Variants in CDIN1 observed in about 807,000 individuals in gnomAD.
CDIN1 encodes the protein CDAN1-interacting nuclease 1.
Under a neutral mutation model 45.3 loss-of-function variants are expected in CDIN1, and 33 were observed. That is an observed-to-expected ratio of 0.73 (90% confidence interval 0.55 to 0.97). The LOEUF is 0.97. Ranked by LOEUF, CDIN1 falls within the 50% of genes least tolerant of loss-of-function variation. CDIN1 has a pLI of 0.00. For synonymous variants in CDIN1, 118 were observed against 124.4 expected, an observed-to-expected ratio of 0.95 and a Z score of 0.34; for missense variants, 303 against 339.4, an observed-to-expected ratio of 0.89 and a Z score of 0.84.
In CDIN1 at chr15:36,697,319, C is replaced by T. The variant is rs1324685747; in HGVS notation, c.477-4C>T. The T allele has an allele frequency of 1.2e-6, 2 of 1,612,356 alleles. No homozygotes were observed. Among genetic ancestry groups the T allele is most frequent in the Non-Finnish European group, 1.7e-6 (2 of 1,179,248 alleles). On this transcript the variant is annotated splice_region_variant and splice_polypyrimidine_tract_variant and intron_variant, in intron 7 of 10. Transcript: ENST00000566621. ...GTGTTACCCCCTTAACTGAAACTTC[C>T]CAGTGCCATTGGTCATGAGCATGAG...
At chr15:36,669,746 T>TA (rs2041378132) in intron 5 of CDIN1, among the ~76,000 whole-genome samples, 1 of 152,094 alleles carries the variant, frequency 6.6e-6, no homozygotes, top group African/African-American at 2.4e-5. Flanking sequence ...GCAGAGGATA[T>TA]TCTGCATAAT....
At chr15:36,668,348 A>G (rs2041326992) in intron 5 of CDIN1, 1 of 152,146 alleles carries the variant, frequency 6.6e-6, no homozygotes, top group Non-Finnish European at 1.5e-5. Flanking sequence ...AAGTTTTGAT[A>G]TATTTTATTT....
At chr15:36,605,023 A>G (rs554892620) in intron 1 of CDIN1, among the ~76,000 whole-genome samples, 1 of 152,304 alleles carries the variant, frequency 6.6e-6, no homozygotes, top group African/African-American at 2.4e-5. Context: ...GGAAGGACAT[A>G]ATTTATGGCT....
intron 1 of CDIN1, among the ~76,000 whole-genome samples, chr15:36,594,064 G>A (rs564041850): frequency 6.6e-6 from 1 of 152,176 alleles, no homozygotes; most frequent in South Asian, 2.1e-4. Context: ...TCTTATTTTT[G>A]CAGTTCTGCT....
chr15:36,748,277 G>A (rs963658367), intron 10 of CDIN1, among the ~76,000 whole-genome samples: 8 of 152,254 alleles, frequency 5.3e-5, no homozygotes, highest in Admixed American at 5.2e-4. Flanking sequence ...AAACCAGTGT[G>A]TGCCAAGTTG....
Position 36,579,839 on chromosome 15 carries a change from A to T in CDIN1, c.-22A>T, listed in dbSNP as rs753650870. 6.2e-7 allele frequency: 1 copy of T among 1,601,086 alleles called. No individual in the cohort carries two copies. The highest frequency in any genetic ancestry group is 1.7e-5 in the Admixed American group (1 of 58,324). On this transcript the variant is annotated 5_prime_UTR_variant, in exon 1 of 11. Coordinates refer to ENST00000566621, the MANE Select transcript of CDIN1 (RefSeq NM_001321759.2). ...AGGGTGTTTTTTCCTTGTTCCCGCC[A>T]CCTCCTGGTCCCTGGCCCAACATGA...
chr15:36,694,935 A>C (rs2042371964), intron 7 of CDIN1, among the ~76,000 whole-genome samples: 1 of 152,256 alleles, frequency 6.6e-6, no homozygotes, highest in African/African-American at 2.4e-5. Context: ...ATGAGAGACC[A>C]TTGAGAGTTA....
intron 5 of CDIN1, among the ~76,000 whole-genome samples, chr15:36,682,607 A>AC: frequency 6.6e-6 from 1 of 151,038 alleles, no homozygotes; most frequent in East Asian, 2.0e-4. Context: ...TACAAAAAAA[A>AC]AAAAACAAAA....
At chr15:36,751,601 G>A (rs1177968666) in intron 10 of CDIN1, among the ~76,000 whole-genome samples, 1 of 151,974 alleles carries the variant, frequency 6.6e-6, no homozygotes, top group African/African-American at 2.4e-5. Flanking sequence ...ATTACTCAAT[G>A]ATCTAGAAGT....
intron 10 of CDIN1, among the ~76,000 whole-genome samples, chr15:36,772,937 C>T (rs955286885): frequency 2.0e-5 from 3 of 152,136 alleles, no homozygotes; most frequent in African/African-American, 4.8e-5. Flanking sequence ...GTAGTATTAG[C>T]ACTATAGTAG....
At chr15:36,660,441 T>C (rs1399813183) in intron 5 of CDIN1, among the ~76,000 whole-genome samples, 2 of 152,196 alleles carry the variant, frequency 1.3e-5, no homozygotes, top group African/African-American at 4.8e-5. Flanking sequence ...TTTCATTAGA[T>C]CAATGCTCAG....
intron 1 of CDIN1, among the ~76,000 whole-genome samples, chr15:36,612,861 A>G (rs963422537): frequency 3.9e-5 from 6 of 152,334 alleles, no homozygotes; most frequent in African/African-American, 1.4e-4. Context: ...GGACATAAAC[A>G]TCTTTTCCCT....
intron 10 of CDIN1, among the ~76,000 whole-genome samples, chr15:36,728,965 C>T (rs905491778): frequency 1.3e-5 from 2 of 152,166 alleles, no homozygotes; most frequent in African/African-American, 4.8e-5. Flanking sequence ...TGAGCCACCA[C>T]GCCTAGCCAA....
chr15:36,598,246 C>A (rs2037929808), intron 1 of CDIN1, among the ~76,000 whole-genome samples: 5 of 152,192 alleles, frequency 3.3e-5, no homozygotes, highest in Admixed American at 1.3e-4. Context: ...CCCACCTCCG[C>A]CTCCCAAAGT....
At chr15:36,757,222 A>C (rs1047439038) in intron 10 of CDIN1, among the ~76,000 whole-genome samples, 1 of 152,166 alleles carries the variant, frequency 6.6e-6, no homozygotes, top group African/African-American at 2.4e-5. Context: ...CGTCGTGGGA[A>C]TAACAGTTAG....
At chr15:36,628,151 C>T (rs989800065) in intron 1 of CDIN1, among the ~76,000 whole-genome samples, 1 of 152,018 alleles carries the variant, frequency 6.6e-6, no homozygotes, top group Admixed American at 6.6e-5. Flanking sequence ...GACCTAACAC[C>T]ATGGTCAAGA....
chr15:36,635,887 G>A, intron 1 of CDIN1, among the ~76,000 whole-genome samples: 1 of 152,062 alleles, frequency 6.6e-6, no homozygotes, highest in East Asian at 1.9e-4. Flanking sequence ...ACTGGAAGGT[G>A]GGTCACAAGA....
chr15:36,665,456 C>A (rs966187577), intron 5 of CDIN1, among the ~76,000 whole-genome samples: 2 of 152,152 alleles, frequency 1.3e-5, no homozygotes, highest in Non-Finnish European at 2.9e-5. Flanking sequence ...CTATAGAAAA[C>A]CTTTACTGGT....
chr15:36,757,239 G>A (rs1284142909), intron 10 of CDIN1, among the ~76,000 whole-genome samples: 1 of 152,164 alleles, frequency 6.6e-6, no homozygotes, highest in African/African-American at 2.4e-5. Context: ...TTAGGGTTAT[G>A]GAGGCCCAGG....
Sources: allele counts gnomAD v4.1 joint callset (sites outside exome capture counted in the v4.1 genomes callset), GRCh38; gene constraint gnomAD v4.1.1; transcripts MANE v1.5; gene names NCBI Gene and HGNC (gene_info 2026-07-23, HGNC 2026-07-21).